CTNNA3: variants seen among roughly 807,000 people sequenced by gnomAD.
CTNNA3 encodes catenin alpha 3.
Under a neutral mutation model 95.7 loss-of-function variants are expected in CTNNA3, and 76 were observed. That is an observed-to-expected ratio of 0.79 (90% CI 0.66 to 0.96). The LOEUF (loss-of-function observed/expected upper bound fraction) is 0.96. Among genes scored for constraint, CTNNA3 ranks in the 40% least tolerant of loss-of-function variants. CTNNA3 has a pLI of 0.00. For synonymous variants in CTNNA3, 431 were observed against 374.4 expected (o/e 1.15, Z -1.74); for missense variants, 1,191 against 1,089.8 (o/e 1.09, Z -1.31).
chr10:66,142,967 C>T (rs2083693885), intron 13 of CTNNA3, among the ~76,000 whole-genome samples: 1 of 152,084 alleles, frequency 6.6e-6, no homozygotes, highest in Non-Finnish European at 1.5e-5. Context: ...TTTCTGATTT[C>T]TGGCTCTGCT....
intron 7 of CTNNA3, among the ~76,000 whole-genome samples, chr10:67,033,859 C>T (rs749749288): frequency 4.6e-5 from 7 of 152,114 alleles, no homozygotes; most frequent in Admixed American, 2.0e-4. Context: ...CAACCTCTGC[C>T]TCCCGGGTTC....
intron 5 of CTNNA3, among the ~76,000 whole-genome samples, chr10:67,228,487 C>A (rs1383934860): frequency 6.6e-6 from 1 of 152,066 alleles, no homozygotes; most frequent in African/African-American, 2.4e-5. Flanking sequence ...GTGGCAGGCA[C>A]CTGTAATCCC....
chr10:66,069,617 C>A (rs939344844), intron 14 of CTNNA3, 128 bp from the exon 15 acceptor site: 4 of 624,956 alleles, frequency 6.4e-6, no homozygotes, highest in South Asian at 2.4e-5. Context: ...TAGTTAAATT[C>A]ATTCAATTAA....
chr10:66,466,606 C>G (rs371132722), intron 11 of CTNNA3, among the ~76,000 whole-genome samples: 2 of 151,852 alleles, frequency 1.3e-5, no homozygotes, highest in East Asian at 3.9e-4. Context: ...GCATGTAACC[C>G]TCTCCTGTGG....
chr10:67,749,660 GC>G (rs1279008470), intron 1 of CTNNA3, among the ~76,000 whole-genome samples: 2 of 152,314 alleles, frequency 1.3e-5, no homozygotes, highest in Admixed American at 6.5e-5. Context: ...TGCAGCTAAA[GC>G]AGTGTTAAAA....
At chr10:66,822,506 C>G (rs2132295456) in intron 7 of CTNNA3, among the ~76,000 whole-genome samples, 1 of 152,318 alleles carries the variant, frequency 6.6e-6, no homozygotes, top group Non-Finnish European at 1.5e-5. Context: ...ATGAAGCACA[C>G]CCATTCTCCT....
At chr10:67,328,177 G>A (rs566148529) in intron 5 of CTNNA3, among the ~76,000 whole-genome samples, 4 of 152,312 alleles carry the variant, frequency 2.6e-5, no homozygotes, top group Non-Finnish European at 4.4e-5. Flanking sequence ...TAGGCCTAAA[G>A]AAAGCTGCAG....
At chr10:66,768,754 T>C (rs1467255252) in intron 8 of CTNNA3, among the ~76,000 whole-genome samples, 1 of 146,708 alleles carries the variant, frequency 6.8e-6, no homozygotes, top group Non-Finnish European at 1.5e-5. Context: ...CATTAAACAT[T>C]ACAATAAAGA....
At chr10:67,375,612 A>T (rs889205110) in intron 5 of CTNNA3, among the ~76,000 whole-genome samples, 4 of 152,060 alleles carry the variant, frequency 2.6e-5, no homozygotes, top group African/African-American at 9.7e-5. Flanking sequence ...CAAAAAAAAA[A>T]CAAAAACCTG....
At chr10:67,201,876 G>A (rs1863666862) in intron 6 of CTNNA3, among the ~76,000 whole-genome samples, 1 of 152,090 alleles carries the variant, frequency 6.6e-6, no homozygotes. Context: ...AATATATTCA[G>A]AATTTTAATA....
intron 5 of CTNNA3, among the ~76,000 whole-genome samples, chr10:67,506,352 T>C (rs1564700504): frequency 1.3e-5 from 2 of 152,196 alleles, no homozygotes; most frequent in African/African-American, 2.4e-5. Context: ...GAGCATGAGA[T>C]AGGGTATAAA....
At chr10:67,561,557 C>T (rs958031994) in intron 3 of CTNNA3, among the ~76,000 whole-genome samples, 2 of 138,356 alleles carry the variant, frequency 1.4e-5, no homozygotes, top group South Asian at 5.1e-4. Context: ...AATTGACACC[C>T]TAACATCACA....
chr10:67,586,060 A>G lies in CTNNA3; in HGVS notation c.292+20797T>C, dbSNP rs572016790. On this transcript the variant is annotated intron_variant, in intron 3 of 17. Transcript: ENST00000433211. ...TTGTTTCAAAAAAATTTTTATTTCA[A>G]TAATAATTTCTTCATTGACCCAGTG... 2.6e-5 allele frequency among the ~76,000 whole-genome samples: 4 copies of G among 152,208 alleles called. No individual in the cohort carries two copies. In the East Asian group the frequency reaches 7.7e-4, roughly 29 times the overall value.
intron 9 of CTNNA3, among the ~76,000 whole-genome samples, chr10:66,671,074 G>T (rs1846642994): frequency 6.6e-6 from 1 of 152,112 alleles, no homozygotes; most frequent in Admixed American, 6.6e-5. Flanking sequence ...GATATTATTT[G>T]ATTACAATTA....
intron 5 of CTNNA3, among the ~76,000 whole-genome samples, chr10:67,261,091 T>C (rs1866590000): frequency 1.3e-5 from 2 of 152,180 alleles, no homozygotes; most frequent in South Asian, 4.1e-4. Context: ...CTATAAGTCA[T>C]CTTGGGGACT....
intron 9 of CTNNA3, among the ~76,000 whole-genome samples, chr10:66,651,387 C>G (rs192429948): frequency 6.6e-6 from 1 of 152,202 alleles, no homozygotes; most frequent in Non-Finnish European, 1.5e-5. Flanking sequence ...GACTCAGGAG[C>G]CCAGCTGGCT....
At chr10:66,169,879 T>A (rs1279544596) in intron 13 of CTNNA3, among the ~76,000 whole-genome samples, 1 of 152,184 alleles carries the variant, frequency 6.6e-6, no homozygotes, top group Non-Finnish European at 1.5e-5. Context: ...GTTTGGTTTT[T>A]TCTTGCTAAT....
upstream of CTNNA3, among the ~76,000 whole-genome samples, chr10:67,697,342 A>G (rs1589574211): frequency 6.6e-6 from 1 of 152,306 alleles, no homozygotes; most frequent in East Asian, 1.9e-4. Flanking sequence ...CTCTCAATCC[A>G]TCTTTTCTTG....
intron 13 of CTNNA3, among the ~76,000 whole-genome samples, chr10:66,190,719 C>T (rs1191451000): frequency 6.6e-6 from 1 of 152,026 alleles, no homozygotes; most frequent in African/African-American, 2.4e-5. Flanking sequence ...ATCCTGTAAC[C>T]TCTTACACAG....
Sources: gnomAD v4.1 joint callset for allele counts (sites outside exome capture counted in the v4.1 genomes callset) on GRCh38, gnomAD v4.1.1 for gene constraint, MANE v1.5 for transcripts, NCBI Gene and HGNC (gene_info 2026-07-23, HGNC 2026-07-21) for gene names.